The following PLEK variants were observed in gnomAD, a reference collection of about 807,000 sequenced individuals.
PLEK encodes pleckstrin.
Under a neutral mutation model 43.9 loss-of-function variants are expected in PLEK, and 25 were observed. The ratio of observed to expected loss-of-function variants is 0.57; its 90% CI spans 0.41 to 0.79. The LOEUF (loss-of-function observed/expected upper bound fraction) is 0.79. PLEK is among the 30% of genes least tolerant of loss of function. The pLI is 0.00. For missense variants in PLEK, 396 were observed against 413.3 expected, an observed-to-expected ratio of 0.96 and a Z score of 0.36; for synonymous variants, 152 against 144.4, an observed-to-expected ratio of 1.05 and a Z score of -0.38.
At chr2:68,373,289 G>A (rs1000557788) in intron 1 of PLEK, among the ~76,000 whole-genome samples, 2 of 152,088 alleles carry the variant, frequency 1.3e-5, no homozygotes, top group African/African-American at 4.8e-5. Flanking sequence ...TAAGTGGTCA[G>A]ATTTCTCTTG....
In PLEK at chr2:68,380,774, G is replaced by A; in HGVS notation, c.250G>A (p.Ala84Thr). The change falls in exon 3 of 9, where the codon GCC becomes ACC. Residue 84 changes from alanine (A) to threonine (T), a missense_variant. Physicochemically the swap from Ala to Thr is moderately conservative, Grantham distance 58 (BLOSUM62 0). Coordinates refer to ENST00000234313, the MANE Select transcript of PLEK (RefSeq NM_002664.3). ...ACAGCAGGACCACTTCTTCCAGGCA[G>A]CCTTCCTGGAGGAGAGAGATGCCTG... ...TKQQDHFFQA[A>T]FLEERDAWVR... The A allele has an allele frequency of 6.2e-7, 1 of 1,613,970 alleles. No individual in the cohort carries two copies. Among genetic ancestry groups the A allele is most frequent in the South Asian group, 1.1e-5 (1 of 91,082 alleles).
intron 8 of PLEK, among the ~76,000 whole-genome samples, 169 bp from the exon 9 acceptor site, chr2:68,395,511 T>A (rs1673946274): frequency 1.3e-5 from 2 of 152,202 alleles, no homozygotes; most frequent in Non-Finnish European, 2.9e-5. Context: ...TGTATATAAC[T>A]GTGCAATGAA....
Position 68,386,501 on chromosome 2 carries a change from G to A in PLEK, c.473-1G>A, listed in dbSNP as rs868577664. On this transcript the variant is annotated splice_acceptor_variant, in intron 4 of 8. Transcript: ENST00000234313. LOFTEE classifies it high-confidence loss of function. ...ACCTTCCCTGTGCTGGTCCCATCTA[G>A]GTAACTGCGTCATTGATTGGCTGGT... 1 of 1,613,100 alleles carries A rather than the reference G, an allele frequency of 6.2e-7. No individual in the cohort carries two copies. The highest frequency in any genetic ancestry group is 1.3e-5 in the African/African-American group (1 of 75,010).
chr2:68,369,557 C>A (rs1217526023), intron 1 of PLEK, among the ~76,000 whole-genome samples: 3 of 150,122 alleles, frequency 2.0e-5, no homozygotes, highest in South Asian at 2.1e-4. Context: ...GATCTCGGCT[C>A]ACTGCAACCT....
chr2:68,379,141 T>C (rs1673561356), intron 1 of PLEK, among the ~76,000 whole-genome samples: 1 of 151,606 alleles, frequency 6.6e-6, no homozygotes, highest in South Asian at 2.1e-4. Flanking sequence ...CTCAAAAAAA[T>C]AAAAATAAAA....
chr2:68,385,145 A>C (rs1326996229), intron 4 of PLEK, among the ~76,000 whole-genome samples: 1 of 152,212 alleles, frequency 6.6e-6, no homozygotes, highest in African/African-American at 2.4e-5. Context: ...TTGACACATA[A>C]TAGTACGTAT....
intron 1 of PLEK, among the ~76,000 whole-genome samples, chr2:68,369,858 A>C (rs1334304484): frequency 1.3e-5 from 2 of 152,214 alleles, no homozygotes; most frequent in Non-Finnish European, 2.9e-5. Context: ...CCATTTCTGT[A>C]TTACTTATTT....
At chr2:68,387,757 A>G (rs1673775575) in intron 5 of PLEK, among the ~76,000 whole-genome samples, 1 of 148,170 alleles carries the variant, frequency 6.7e-6, no homozygotes, top group Admixed American at 6.7e-5. Context: ...ATTTCACTTT[A>G]GGGGAAGTTC....
chr2:68,382,535 T>C lies in PLEK; in HGVS notation c.381-7T>C, dbSNP rs1206990171. ...GTTTGTTTGTTTGCTTTTTTATCTCTGTGCAGTGCCTTATATTTGTCCATG... is the reference window on the plus strand; with the variant it reads ...GTTTGTTTGTTTGCTTTTTTATCTCCGTGCAGTGCCTTATATTTGTCCATG... On this transcript the variant is annotated splice_polypyrimidine_tract_variant and splice_region_variant and intron_variant, in intron 3 of 8. Transcript: ENST00000234313. 1 of 1,494,820 alleles carries C rather than the reference T, an allele frequency of 6.7e-7. No individual in the cohort carries two copies. Among genetic ancestry groups the C allele is most frequent in the Admixed American group, 1.8e-5 (1 of 55,068 alleles). The allele number at this position is 1,494,820 out of a possible 1,614,324, so 92.6% of individuals were successfully genotyped here.
intron 1 of PLEK, among the ~76,000 whole-genome samples, chr2:68,366,493 G>T (rs1048367210): frequency 2.0e-5 from 3 of 152,218 alleles, no homozygotes; most frequent in Admixed American, 2.0e-4. Context: ...GTTGTGACCA[G>T]CCACTCCTTC....
intron 1 of PLEK, among the ~76,000 whole-genome samples, chr2:68,366,482 A>G (rs1209886279): frequency 6.6e-6 from 1 of 152,222 alleles, no homozygotes; most frequent in Non-Finnish European, 1.5e-5. Context: ...TGGCTATGAC[A>G]GTTGTGACCA....
At chr2:68,380,965 TC>T in intron 3 of PLEK, 61 bp downstream of exon 3, 4 of 1,438,276 alleles carry the variant, frequency 2.8e-6, no homozygotes, top group Middle Eastern at 1.8e-4. Context: ...ACATAGCAGA[TC>T]CTGCTCCAAG....
At chr2:68,366,319 A>G (rs1673273648) in intron 1 of PLEK, among the ~76,000 whole-genome samples, 2 of 152,200 alleles carry the variant, frequency 1.3e-5, no homozygotes, top group African/African-American at 4.8e-5. Context: ...TTAACCTACA[A>G]TGTTCTACCT....
chr2:68,390,532 G>A (rs571232011), intron 6 of PLEK, among the ~76,000 whole-genome samples: 1 of 152,154 alleles, frequency 6.6e-6, no homozygotes, highest in Admixed American at 6.5e-5. Flanking sequence ...TTTTTTCAGA[G>A]GTTGGGGAGC....
At chr2:68,368,803 C>G (rs75730120) in intron 1 of PLEK, among the ~76,000 whole-genome samples, 3,526 of 152,296 alleles carry the variant, frequency 0.023, 68 homozygotes, top group Admixed American at 0.069. Context: ...ATGGAGCAAG[C>G]TGTTGTTTCC....
chr2:68,376,947 C>A (rs898500665), intron 1 of PLEK, among the ~76,000 whole-genome samples: 1 of 152,118 alleles, frequency 6.6e-6, no homozygotes, highest in Admixed American at 6.6e-5. Context: ...CTCTGGTAAC[C>A]ATCCTTCTAC....
chr2:68,380,612 C>A, intron 2 of PLEK, 111 bp from the exon 3 acceptor site: 1 of 1,404,012 alleles, frequency 7.1e-7, no homozygotes, highest in Non-Finnish European at 9.8e-7. Flanking sequence ...CCCACCCTGG[C>A]ATTTGGGTTT....
At chr2:68,384,060 T>C (rs1196288960) in intron 4 of PLEK, among the ~76,000 whole-genome samples, 2 of 152,140 alleles carry the variant, frequency 1.3e-5, no homozygotes, top group African/African-American at 4.8e-5. Flanking sequence ...GGAGGGCATT[T>C]CAATGTAGAC....
intron 4 of PLEK, among the ~76,000 whole-genome samples, chr2:68,385,962 A>G (rs1032953218): frequency 1.6e-4 from 24 of 152,344 alleles, no homozygotes; most frequent in African/African-American, 5.8e-4. Flanking sequence ...GTAGGTGCTC[A>G]GTAAATGTTT....
Sources: gnomAD v4.1 joint callset for allele counts (sites outside exome capture counted in the v4.1 genomes callset) on GRCh38, gnomAD v4.1.1 for gene constraint, MANE v1.5 for transcripts, NCBI Gene and HGNC (gene_info 2026-07-23, HGNC 2026-07-21) for gene names.